Variants in STK3 observed in about 807,000 individuals in gnomAD.
The protein encoded by STK3 is serine/threonine-protein kinase 3.
A neutral mutation model predicts 58.0 loss-of-function variants in STK3; 41 were observed. That is an observed-to-expected ratio of 0.71 (90% CI 0.55 to 0.92). The LOEUF (loss-of-function observed/expected upper bound fraction) is 0.92, where lower values mean the gene tolerates loss of function less well. STK3 is among the 40% of genes least tolerant of loss of function. The probability of loss-of-function intolerance (pLI) is 0.00; values close to 1 mark genes in which losing one functional copy is unlikely to be tolerated. For synonymous variants in STK3, 170 were observed against 191.0 expected, an observed-to-expected ratio of 0.89 and a Z score of 0.91; for missense variants, 479 against 602.7, an observed-to-expected ratio of 0.79 and a Z score of 2.15.
intron 4 of STK3, among the ~76,000 whole-genome samples, chr8:98,721,456 G>C (rs772739312): frequency 1.1e-4 from 17 of 152,170 alleles, no homozygotes; most frequent in Non-Finnish European, 1.9e-4. Flanking sequence ...CATGAGCCCA[G>C]GAGTTCGTTC....
intron 9 of STK3, among the ~76,000 whole-genome samples, chr8:98,536,406 G>T (rs1333665067): frequency 6.6e-6 from 1 of 152,014 alleles, no homozygotes; most frequent in Non-Finnish European, 1.5e-5. Context: ...TAAGCTATGG[G>T]CTATGATCAC....
At chr8:98,805,444 G>T (rs1234916860) in intron 1 of STK3, among the ~76,000 whole-genome samples, 3 of 151,992 alleles carry the variant, frequency 2.0e-5, no homozygotes, top group Non-Finnish European at 2.9e-5. Flanking sequence ...GCATGGTGGC[G>T]GGTGCCTGTA....
chr8:98,361,675 TAAC>T, the STK3 span, among the ~76,000 whole-genome samples: 2 of 152,202 alleles, frequency 1.3e-5, no homozygotes, highest in African/African-American at 2.4e-5. Context: ...CTCTCTGTGT[TAAC>T]AACGACAAAG....
rs146111502 is a variant in STK3, at chr8:98,576,501, C to T, written c.948+3163G>A. 4.9e-4 allele frequency among the ~76,000 whole-genome samples: 75 copies of T among 152,292 alleles called. 1 individual carries two copies. Among genetic ancestry groups the T allele is most frequent in the African/African-American group, 1.7e-3 (69 of 41,550 alleles). On this transcript the variant is annotated intron_variant, in intron 8 of 10. Coordinates refer to ENST00000419617, the MANE Select transcript of STK3 (RefSeq NM_006281.4). ...TTGATTTGAGGAGTACTGCCATCTT[C>T]ACAATATAATGTCTTCTAATCTCTG...
chr8:98,642,058 A>G (rs965969142), intron 6 of STK3, among the ~76,000 whole-genome samples: 7 of 152,192 alleles, frequency 4.6e-5, no homozygotes, highest in African/African-American at 1.4e-4. Context: ...AAGAATGACA[A>G]TTTAAAAAAT....
intron 9 of STK3, among the ~76,000 whole-genome samples, chr8:98,529,320 G>A (rs1825980182): frequency 2.0e-5 from 3 of 152,062 alleles, no homozygotes; most frequent in African/African-American, 7.2e-5. Flanking sequence ...ACAGGTAAAC[G>A]TCCTATCTCC....
intron 10 of STK3, among the ~76,000 whole-genome samples, chr8:98,498,360 A>G (rs1269266705): frequency 6.6e-6 from 1 of 152,088 alleles, no homozygotes; most frequent in Admixed American, 6.6e-5. Context: ...GAGATCCCAG[A>G]AGCTAGTTCC....
At chr8:98,669,763 A>C (rs1411809632) in intron 6 of STK3, among the ~76,000 whole-genome samples, 1 of 152,200 alleles carries the variant, frequency 6.6e-6, no homozygotes, top group Non-Finnish European at 1.5e-5. Context: ...TGTGTCAAAC[A>C]AATCTGTTTC....
intron 1 of STK3, among the ~76,000 whole-genome samples, chr8:98,918,855 C>T (rs1240928199): frequency 6.6e-6 from 1 of 151,768 alleles, no homozygotes; most frequent in Non-Finnish European, 1.5e-5. Flanking sequence ...AAATTCATGC[C>T]TCAGCAGAGA....
At chr8:98,502,637 C>A (rs370012193) in intron 10 of STK3, among the ~76,000 whole-genome samples, 1 of 152,134 alleles carries the variant, frequency 6.6e-6, no homozygotes, top group African/African-American at 2.4e-5. Flanking sequence ...TTGTCAAACG[C>A]CTTTTCTGCA....
At chr8:98,652,846 C>A (rs1388661757) in intron 6 of STK3, among the ~76,000 whole-genome samples, 1 of 151,528 alleles carries the variant, frequency 6.6e-6, no homozygotes, top group Non-Finnish European at 1.5e-5. Flanking sequence ...TCCTGAGTGA[C>A]CTACAAAGAG....
At chr8:98,777,895 T>C (rs1053496668) in intron 1 of STK3, among the ~76,000 whole-genome samples, 3 of 152,144 alleles carry the variant, frequency 2.0e-5, no homozygotes, top group Non-Finnish European at 4.4e-5. Flanking sequence ...GGATTAAAGA[T>C]TTACATGTTA....
the STK3 span, among the ~76,000 whole-genome samples, chr8:98,353,209 C>T: frequency 6.6e-6 from 1 of 152,144 alleles, no homozygotes; most frequent in African/African-American, 2.4e-5. Flanking sequence ...TGTGGTGGCT[C>T]ATGCCTGTAA....
chr8:98,484,413 C>G (rs557177713), intron 10 of STK3, among the ~76,000 whole-genome samples: 1 of 152,196 alleles, frequency 6.6e-6, no homozygotes, highest in East Asian at 1.9e-4. Context: ...TAAAAATGTA[C>G]TAAATAGTGT....
chr8:98,891,059 G>C (rs1051743552), intron 1 of STK3, among the ~76,000 whole-genome samples: 3 of 152,220 alleles, frequency 2.0e-5, no homozygotes, highest in Non-Finnish European at 1.5e-5. Flanking sequence ...CTTATACATT[G>C]TTGCACAAGT....
intron 9 of STK3, among the ~76,000 whole-genome samples, chr8:98,528,527 T>C (rs10111264): frequency 0.42 from 63,248 of 151,836 alleles, 13,389 homozygotes; most frequent in Admixed American, 0.54. Context: ...GCTCTTGTTG[T>C]GCAGGCTGGA....
intron 4 of STK3, among the ~76,000 whole-genome samples, chr8:98,741,672 CA>C (rs1328205962): frequency 6.6e-6 from 1 of 152,056 alleles, no homozygotes; most frequent in African/African-American, 2.4e-5. Context: ...ACCCTAACAT[CA>C]CAATTAAAAG....
At chr8:98,740,789 T>C (rs375915000) in intron 4 of STK3, among the ~76,000 whole-genome samples, 128 of 152,188 alleles carry the variant, frequency 8.4e-4, no homozygotes, top group Non-Finnish European at 1.3e-3. Context: ...AATTAAAAGA[T>C]ACAGACTGGC....
At chr8:98,819,278 A>C (rs986074304) in intron 1 of STK3, among the ~76,000 whole-genome samples, 7 of 152,100 alleles carry the variant, frequency 4.6e-5, no homozygotes, top group African/African-American at 1.7e-4. Context: ...ACTGAGTCTC[A>C]GTATCAATGA....
Sources: gnomAD v4.1 joint callset for allele counts (sites outside exome capture counted in the v4.1 genomes callset) on GRCh38, gnomAD v4.1.1 for gene constraint, MANE v1.5 for transcripts, NCBI Gene and HGNC (gene_info 2026-07-23, HGNC 2026-07-21) for gene names.